TNRC6C: variants seen among roughly 807,000 people sequenced by gnomAD.
The protein encoded by TNRC6C is trinucleotide repeat-containing gene 6C protein.
In TNRC6C, 20 loss-of-function variants were observed where a neutral mutation model predicts 153.7. That is an observed-to-expected ratio of 0.13 (90% CI 0.09 to 0.19). The LOEUF (loss-of-function observed/expected upper bound fraction) is 0.19, where lower values mean the gene tolerates loss of function less well. Ranked by LOEUF, TNRC6C falls within the 10% of genes least tolerant of loss-of-function variation. The probability of loss-of-function intolerance (pLI) is 1.00; values close to 1 mark genes in which losing one functional copy is unlikely to be tolerated. For missense variants in TNRC6C, 1,987 were observed against 2,172.0 expected (o/e 0.91, Z 1.69); for synonymous variants, 811 against 841.4 (o/e 0.96, Z 0.63).
intron 1 of TNRC6C, among the ~76,000 whole-genome samples, chr17:78,013,043 C>T (rs2071664115): frequency 6.6e-6 from 1 of 152,142 alleles, no homozygotes; most frequent in South Asian, 2.1e-4. Context: ...GAGGGGTTGC[C>T]TTATCCCAGT....
intron 1 of TNRC6C, among the ~76,000 whole-genome samples, chr17:78,025,373 T>A (rs1223510276): frequency 1.3e-5 from 2 of 152,232 alleles, no homozygotes; most frequent in Non-Finnish European, 2.9e-5. Context: ...GATTGGCTTC[T>A]TTCACTTAAC....
chr17:78,057,530 G>A (rs2072682779), intron 3 of TNRC6C, among the ~76,000 whole-genome samples: 1 of 152,236 alleles, frequency 6.6e-6, no homozygotes, highest in South Asian at 2.1e-4. Flanking sequence ...GGGTCAGCAA[G>A]GGCAGCAGCA....
intron 10 of TNRC6C, among the ~76,000 whole-genome samples, chr17:78,082,667 A>G (rs1387048701): frequency 2.0e-5 from 3 of 152,060 alleles, no homozygotes; most frequent in African/African-American, 4.8e-5. Flanking sequence ...GGCGCCCCTC[A>G]TGCATCCATT....
At position 78,104,798 on chromosome 17, in the gene TNRC6C, C is replaced by A. The variant is rs1183880524; in HGVS notation, c.5026C>A (p.Leu1676Ile). 2.8e-6 allele frequency: 4 copies of A among 1,445,434 alleles called. No homozygotes were observed. Among genetic ancestry groups the A allele is most frequent in the Non-Finnish European group, 3.6e-6 (4 of 1,099,384 alleles). 89.5% of individuals were successfully genotyped at this position (1,445,434 alleles called of 1,614,324 possible). A position where few individuals can be genotyped will look rare whatever the true frequency, so the allele number is the denominator to read the frequency against. ...CAGGGTGATAGGCAGCCCCACGCCG[C>A]TAACCACCCTGCTGCCTGGGGACCT... Residue 1676 changes from leucine to isoleucine, a missense_variant, in exon 20 of 20, where the codon CTA (leucine) becomes ATA (isoleucine). Around this residue, in one of 4 missense-constraint regions of TNRC6C, gnomAD observed 139 missense variants for 148.5 expected, o/e 0.94. Transcript: ENST00000301624. The surrounding 1 kb of genome is among the most constrained non-coding windows in gnomAD (Gnocchi z 6.2).
chr17:78,004,126 A>C, upstream of TNRC6C: 1 of 1,231,372 alleles, frequency 8.1e-7, no homozygotes. Context: ...TGTTTGACTT[A>C]ACATGATCAT....
intron 4 of TNRC6C, chr17:78,066,507 A>C (rs111614441): frequency 1.3e-5 from 2 of 152,056 alleles, no homozygotes; most frequent in African/African-American, 4.8e-5. Context: ...TGAGCATTCT[A>C]TTTTGAGAAT....
At chr17:77,991,388 C>T (rs151051409) in intron 1 of TNRC6C, among the ~76,000 whole-genome samples, 2 of 152,322 alleles carry the variant, frequency 1.3e-5, no homozygotes, top group Admixed American at 6.5e-5. Context: ...CCCCTGAATG[C>T]GTTCTCCCCA....
intron 1 of TNRC6C, among the ~76,000 whole-genome samples, chr17:77,968,318 C>T (rs1253309429): frequency 2.6e-5 from 4 of 151,776 alleles, no homozygotes; most frequent in Non-Finnish European, 5.9e-5. Context: ...AGGCGTCAGC[C>T]ACCGCGCCTG....
In TNRC6C at chr17:78,104,589, AGTCCAGCAGCGC is replaced by A. The variant is rs1255766958; in HGVS notation, c.4825_4836del (p.Ser1609_Ser1612del). On this transcript the variant is annotated inframe_deletion, in exon 20 of 20. Coordinates refer to ENST00000301624, the Ensembl canonical transcript of TNRC6C. The surrounding 1 kb of genome is among the most constrained non-coding windows in gnomAD (Gnocchi z 6.2). ...GCGCTGCCACCCACTTCCAGCTGGC[AGTCCAGCAGCGC>A]GTCCAGCCAGCCGCGGCTCAGCGCA... 4.5e-6 allele frequency: 7 copies of A among 1,553,384 alleles called. No homozygotes were observed. Among genetic ancestry groups the A allele is most frequent in the Admixed American group, 1.9e-5 (1 of 51,806 alleles).
At chr17:77,990,096 A>G (rs2071227158) in intron 1 of TNRC6C, among the ~76,000 whole-genome samples, 1 of 152,122 alleles carries the variant, frequency 6.6e-6, no homozygotes, top group Admixed American at 6.6e-5. Context: ...AAGCCTACGG[A>G]TTGTTCTTGA....
exon 3 of TNRC6C, chr17:78,051,448 G>T: frequency 7.2e-7 from 1 of 1,387,648 alleles, no homozygotes; most frequent in Non-Finnish European, 9.4e-7. Flanking sequence ...GCTTGGTCCA[G>T]GTAGGAAAGG....
rs148395543 is a variant in TNRC6C at position 78,075,071 on chromosome 17, G to T, written c.2918-65G>T. On this transcript the variant is annotated intron_variant, in intron 7 of 19. Transcript: ENST00000301624. This position sits in a 1 kb window ranked among gnomAD's most constrained non-coding sequence, Gnocchi z 4.2. Reference sequence around the variant, plus strand: ...ATCCCTCCTTGAGGCCTTAGCTGGTGCCTATCTTGTGCTCAGCACTCACTT... The same window carrying T: ...ATCCCTCCTTGAGGCCTTAGCTGGTTCCTATCTTGTGCTCAGCACTCACTT... 12,801 of 1,573,638 alleles carry T rather than the reference G, an allele frequency of 8.1e-3. 110 individuals are homozygous for T. Among genetic ancestry groups the T allele is most frequent in the Admixed American group, 0.036 (1,955 of 54,836 alleles).
At chr17:77,976,931 GAAAAAAAAA>G (rs57726847) in intron 1 of TNRC6C, among the ~76,000 whole-genome samples, 49 of 46,578 alleles carry the variant, frequency 1.1e-3, no homozygotes, top group South Asian at 6.7e-3. Context: ...CTCCATCTCA[GAAAAAAAAA>G]AAAAAAAAAA....
chr17:78,083,230 G>A (rs1353269098), intron 11 of TNRC6C, 64 bp downstream of exon 13: 1 of 1,599,670 alleles, frequency 6.3e-7, no homozygotes, highest in Non-Finnish European at 8.5e-7. Flanking sequence ...GGCACCTGCT[G>A]AGAGCAGCAG....
chr17:78,106,844 T>A (rs931622609), exon 20 of TNRC6C: 16 of 146,056 alleles, frequency 1.1e-4, no homozygotes, highest in Non-Finnish European at 1.9e-4. Flanking sequence ...TACATTTTTT[T>A]AATTAGCTTT....
intron 2 of TNRC6C, among the ~76,000 whole-genome samples, chr17:78,048,308 C>A (rs751339936): frequency 2.0e-5 from 3 of 152,068 alleles, no homozygotes; most frequent in African/African-American, 7.2e-5. Flanking sequence ...TCTCTCTTTC[C>A]TTCCGTCACC....
At chr17:77,977,891 CTTTTTTTT>C (rs528315933) in intron 1 of TNRC6C, among the ~76,000 whole-genome samples, 1 of 114,138 alleles carries the variant, frequency 8.8e-6, no homozygotes, top group Admixed American at 9.1e-5. Context: ...TTTAAAACCT[CTTTTTTTT>C]TTTTTTTTTT....
At position 78,051,026 on chromosome 17, in the gene TNRC6C, G is replaced by C. The variant is rs749713497; in HGVS notation, c.1964G>C (p.Trp655Ser). 8 of 1,613,390 alleles carry C rather than the reference G, an allele frequency of 5.0e-6. No individual in the cohort carries two copies. The South Asian group carries it at 6.6e-5, about 13-fold the overall frequency. Residue 655 changes from tryptophan to serine, a missense_variant, in exon 3 of 20, where the codon TGG (tryptophan) becomes TCG (serine). Trp to Ser is a radical substitution (Grantham distance 177). Transcript: ENST00000301624. ...ACAAAGGCCAATCCAGGTACAAACT[G>C]GGGGGAGACTTTAAAACCTGGCCCC...
At chr17:78,056,550 G>A (rs1245449302) in intron 3 of TNRC6C, among the ~76,000 whole-genome samples, 4 of 150,822 alleles carry the variant, frequency 2.7e-5, no homozygotes, top group Admixed American at 6.6e-5. Flanking sequence ...TGCAAGCTCC[G>A]CCTCCCAGGT....
Sources: gnomAD v4.1 joint callset for allele counts (sites outside exome capture counted in the v4.1 genomes callset) on GRCh38, gnomAD v4.1.1 for gene constraint, gnomAD v4.1.1 regional missense constraint, Gnocchi (gnomAD v3.1) non-coding constraint, MANE v1.5 for transcripts, NCBI Gene and HGNC (gene_info 2026-07-23, HGNC 2026-07-21) for gene names.